NELL1: variants seen among roughly 807,000 people sequenced by gnomAD.
NELL1 encodes the protein protein kinase C-binding protein NELL1.
A neutral mutation model predicts 107.4 loss-of-function variants in NELL1; 76 were observed. The ratio of observed to expected loss-of-function variants is 0.71; its 90% CI spans 0.59 to 0.86. The LOEUF (loss-of-function observed/expected upper bound fraction) is 0.86. NELL1 is among the 40% of genes least tolerant of loss of function. The pLI, the probability that NELL1 is intolerant of heterozygous loss-of-function variation, is 0.00. For missense variants in NELL1, 1,024 were observed against 1,005.5 expected (o/e 1.02, Z -0.25); for synonymous variants, 353 against 341.2 (o/e 1.03, Z -0.38).
intron 12 of NELL1, among the ~76,000 whole-genome samples, chr11:21,052,863 G>A (rs544004297): frequency 6.6e-6 from 1 of 152,224 alleles, no homozygotes; most frequent in South Asian, 2.1e-4. Context: ...GGGAGTGGGA[G>A]GTGGAGATAA....
intron 16 of NELL1, among the ~76,000 whole-genome samples, chr11:21,540,062 A>G (rs1017016611): frequency 6.6e-6 from 1 of 151,976 alleles, no homozygotes; most frequent in African/African-American, 2.4e-5. Flanking sequence ...TAAATTCATA[A>G]TATTTTTGCA....
At chr11:21,343,996 T>G (rs183403183) in intron 14 of NELL1, among the ~76,000 whole-genome samples, 1 of 152,298 alleles carries the variant, frequency 6.6e-6, no homozygotes, top group African/African-American at 2.4e-5. Flanking sequence ...CAGGTTGCTG[T>G]TGAACATTTT....
intron 13 of NELL1, among the ~76,000 whole-genome samples, chr11:21,217,911 G>C (rs1490167371): frequency 1.3e-5 from 2 of 152,140 alleles, no homozygotes; most frequent in Non-Finnish European, 2.9e-5. Flanking sequence ...CACTGTTACA[G>C]GGTTGGATTT....
chr11:20,882,392 T>G (rs571243327), intron 4 of NELL1, among the ~76,000 whole-genome samples: 1 of 152,222 alleles, frequency 6.6e-6, no homozygotes, highest in African/African-American at 2.4e-5. Flanking sequence ...TTATGGACCT[T>G]GTTGGTTTTT....
chr11:21,549,568 A>T (rs1350833134), intron 16 of NELL1, among the ~76,000 whole-genome samples: 1 of 151,790 alleles, frequency 6.6e-6, no homozygotes, highest in African/African-American at 2.4e-5. Context: ...GCAAATCAAC[A>T]TTTGCTGAAA....
intron 3 of NELL1, among the ~76,000 whole-genome samples, chr11:20,812,077 T>C (rs1857512479): frequency 6.6e-6 from 1 of 152,192 alleles, no homozygotes; most frequent in Admixed American, 6.5e-5. Context: ...GTGAATTTGT[T>C]ATATATGACC....
At chr11:20,879,788 T>C (rs1031807177) in intron 4 of NELL1, among the ~76,000 whole-genome samples, 1 of 152,222 alleles carries the variant, frequency 6.6e-6, no homozygotes, top group African/African-American at 2.4e-5. Context: ...ATAAGATATT[T>C]ACTTAGAATT....
intron 15 of NELL1, among the ~76,000 whole-genome samples, chr11:21,449,698 A>G (rs1020857189): frequency 5.3e-5 from 8 of 152,136 alleles, no homozygotes; most frequent in African/African-American, 1.4e-4. Context: ...GTTTAAGTCT[A>G]TGATTCATTT....
chr11:20,755,540 G>T (rs7104973), intron 2 of NELL1, among the ~76,000 whole-genome samples: 4,173 of 18,698 alleles, frequency 0.22, 128 homozygotes, highest in Middle Eastern at 0.55. Context: ...GTGGGTTTTT[G>T]TTTTTTTTTG....
chr11:20,979,964 G>A (rs1851716860), intron 12 of NELL1, among the ~76,000 whole-genome samples: 2 of 152,138 alleles, frequency 1.3e-5, no homozygotes, highest in Non-Finnish European at 2.9e-5. Flanking sequence ...TAAGGTCAGG[G>A]ATGAGATCTT....
At chr11:21,064,294 C>G (rs1024311346) in intron 12 of NELL1, among the ~76,000 whole-genome samples, 24 of 152,128 alleles carry the variant, frequency 1.6e-4, no homozygotes, top group African/African-American at 5.6e-4. Context: ...AATAAATTTA[C>G]ACAGGCTGCT....
At chr11:20,891,957 G>A (rs904573797) in intron 5 of NELL1, among the ~76,000 whole-genome samples, 1 of 152,102 alleles carries the variant, frequency 6.6e-6, no homozygotes, top group Non-Finnish European at 1.5e-5. Context: ...ACAGATCAAC[G>A]AGACAGAAAA....
rs150559323 is a variant in NELL1 at position 20,710,926 on chromosome 11, G to A, written c.184+32866G>A. Among the ~76,000 whole-genome samples, 1,267 of 151,698 alleles carry A rather than the reference G, an allele frequency of 8.4e-3. 12 individuals carry two copies. The highest frequency in any genetic ancestry group is 0.029 in the African/African-American group (1,206 of 41,416). On this transcript the variant is annotated intron_variant, in intron 2 of 19. Coordinates refer to ENST00000357134, the MANE Select transcript of NELL1 (RefSeq NM_006157.5). ...TTGGATCTTCTCTCTTCTTTTCTTGGTTAACCTTACTAATGGTTTCTTTAT... is the reference window on the plus strand; with the variant it reads ...TTGGATCTTCTCTCTTCTTTTCTTGATTAACCTTACTAATGGTTTCTTTAT...
chr11:21,473,092 C>T (rs938233634), intron 15 of NELL1, among the ~76,000 whole-genome samples: 23 of 151,902 alleles, frequency 1.5e-4, no homozygotes, highest in Non-Finnish European at 2.9e-4. Context: ...ACAGATAAGC[C>T]TATAGAAGAT....
intron 14 of NELL1, among the ~76,000 whole-genome samples, chr11:21,312,918 A>G (rs1936504559): frequency 6.6e-6 from 1 of 152,042 alleles, no homozygotes. Flanking sequence ...TTTCCTCCAC[A>G]TAAGTAACCC....
chr11:20,967,024 A>G (rs922043477), intron 12 of NELL1, among the ~76,000 whole-genome samples: 1 of 152,150 alleles, frequency 6.6e-6, no homozygotes, highest in Non-Finnish European at 1.5e-5. Flanking sequence ...GGAACTTCAA[A>G]TAGCACTGTT....
chr11:21,496,069 C>T (rs1026468974), intron 15 of NELL1, among the ~76,000 whole-genome samples: 3 of 152,072 alleles, frequency 2.0e-5, no homozygotes, highest in African/African-American at 7.2e-5. Context: ...TATAAGGTCA[C>T]GTGACCCTGA....
intron 3 of NELL1, among the ~76,000 whole-genome samples, chr11:20,817,031 T>C (rs1247799092): frequency 6.6e-5 from 10 of 152,176 alleles, no homozygotes; most frequent in African/African-American, 2.4e-4. Context: ...TGCTTCTGGT[T>C]TCAGTTTACT....
chr11:21,210,003 G>T (rs1857466548), intron 13 of NELL1, among the ~76,000 whole-genome samples: 1 of 151,770 alleles, frequency 6.6e-6, no homozygotes, highest in South Asian at 2.1e-4. Context: ...TTTTTGACTG[G>T]TTTCTTTTGT....
Sources: allele counts gnomAD v4.1 joint callset (sites outside exome capture counted in the v4.1 genomes callset), GRCh38; gene constraint gnomAD v4.1.1; transcripts MANE v1.5; gene names NCBI Gene and HGNC (gene_info 2026-07-23, HGNC 2026-07-21).